The following DDX6 variants were observed in gnomAD, a reference collection of about 807,000 sequenced individuals.
The protein encoded by DDX6 is probable ATP-dependent RNA helicase DDX6.
Under a neutral mutation model 60.6 loss-of-function variants are expected in DDX6, and 7 were observed. The ratio of observed to expected loss-of-function variants is 0.12; its 90% CI spans 0.07 to 0.22. DDX6 has a LOEUF of 0.22. Among genes scored for constraint, DDX6 ranks in the 10% least tolerant of loss-of-function variants. DDX6 has a pLI of 1.00. For missense variants in DDX6, 270 were observed against 589.9 expected, an observed-to-expected ratio of 0.46 and a Z score of 5.62; for synonymous variants, 207 against 201.0, an observed-to-expected ratio of 1.03 and a Z score of -0.25.
Position 118,751,251 on chromosome 11 carries a change from G to C in DDX6, c.*854C>G, listed in dbSNP as rs1165792119. On this transcript the variant is annotated 3_prime_UTR_variant, in exon 14 of 14. Transcript: ENST00000534980. The stretch of plus-strand genomic sequence containing the variant: ...ATATGTAACCCAGTCTTTAGTGTCT[G>C]CTATAGAGCACAAAGGCTTGTCATA... The C allele has an allele frequency of 6.6e-6, 1 of 152,120 alleles. No homozygotes were observed. Among genetic ancestry groups the C allele is most frequent in the Non-Finnish European group, 1.5e-5 (1 of 68,012 alleles). 9.4% of individuals were successfully genotyped at this position (152,120 alleles called of 1,614,324 possible).
At chr11:118,777,180 T>C (rs567906364) in intron 4 of DDX6, among the ~76,000 whole-genome samples, 2 of 152,222 alleles carry the variant, frequency 1.3e-5, no homozygotes, top group East Asian at 1.9e-4. Context: ...ACAGCAACCA[T>C]ATATCTGTCT....
intron 1 of DDX6, chr11:118,788,303 T>TA (rs11463097): frequency 0.95 from 142,509 of 150,784 alleles, 67,146 homozygotes; most frequent in East Asian, 0.99. Flanking sequence ...TACTCTGACT[T>TA]AAAAACAAAC....
At chr11:118,781,625 C>T (rs1861903480) in intron 2 of DDX6, among the ~76,000 whole-genome samples, 2 of 152,160 alleles carry the variant, frequency 1.3e-5, no homozygotes, top group South Asian at 4.1e-4. Context: ...CGGCTATTCT[C>T]ATTTTTAAAA....
chr11:118,785,000 T>G (rs550941374), intron 2 of DDX6, among the ~76,000 whole-genome samples: 1 of 152,314 alleles, frequency 6.6e-6, no homozygotes, highest in African/African-American at 2.4e-5. Flanking sequence ...ACTCCCGACC[T>G]CAGGTGATCC....
intron 12 of DDX6, 81 bp downstream of exon 12, chr11:118,755,317 CTCTA>C: frequency 1.3e-6 from 1 of 781,292 alleles, no homozygotes; most frequent in Non-Finnish European, 2.2e-6. Flanking sequence ...AGCTACTGTA[CTCTA>C]TTTCACAAAA....
Position 118,759,979 on chromosome 11 carries a change from T to C in DDX6, c.807A>G (p.Lys269=). The change falls in exon 8 of 14, where the codon AAA becomes AAG. Residue 269 remains lysine, a synonymous_variant. Transcript: ENST00000534980. The part of the protein sequence containing the change: ...IMEDIILTLP[K]NRQILLYSAT... ...CGGAATATAGTAAAATCTGCCTGTT[T>C]TTAGGTAGCGTGAGAATAATATCCT... 6.2e-7 allele frequency: 1 copy of C among 1,613,774 alleles called. No individual in the cohort carries two copies. Among genetic ancestry groups the C allele is most frequent in the African/African-American group, 1.3e-5 (1 of 75,046 alleles).
intron 5 of DDX6, among the ~76,000 whole-genome samples, chr11:118,765,933 G>A (rs1861338796): frequency 6.6e-6 from 1 of 151,868 alleles, no homozygotes; most frequent in Non-Finnish European, 1.5e-5. Flanking sequence ...AGCTGGGCGT[G>A]GGTGGCACAT....
rs1555156144 is a variant in DDX6 at position 118,747,869 on chromosome 11, C to T, written c.*4236G>A. The T allele has an allele frequency of 6.9e-6, 1 of 145,572 alleles. No individual in the cohort carries two copies. The highest frequency in any genetic ancestry group is 2.5e-5 in the African/African-American group (1 of 39,332). The allele number at this position is 145,572 out of a possible 1,614,324, so 9.0% of individuals were successfully genotyped here. On this transcript the variant is annotated 3_prime_UTR_variant, in exon 14 of 14. Coordinates refer to ENST00000534980, the MANE Select transcript of DDX6 (RefSeq NM_004397.6). ...GCAGACTCCGGTCCATATATGCGTA[C>T]ATACAACATAACACATCCCAACAAA...
chr11:118,761,408 G>C (rs1555160138), intron 7 of DDX6, among the ~76,000 whole-genome samples: 1 of 152,112 alleles, frequency 6.6e-6, no homozygotes. Flanking sequence ...CTTGAGGTCG[G>C]GAGTTTGAGA....
intron 4 of DDX6, among the ~76,000 whole-genome samples, chr11:118,775,887 T>C (rs529778926): frequency 9.6e-4 from 146 of 152,274 alleles, no homozygotes; most frequent in Admixed American, 1.9e-3. Flanking sequence ...TTCTAGCACA[T>C]TGGGAAGCCA....
At chr11:118,756,621 CAGT>C (rs2137421603) in intron 10 of DDX6, among the ~76,000 whole-genome samples, 1 of 151,982 alleles carries the variant, frequency 6.6e-6, no homozygotes, top group South Asian at 2.1e-4. Context: ...TAAAGGCAAA[CAGT>C]AAAGAAAAAA....
Position 118,785,523 on chromosome 11 carries a change from A to T in DDX6, c.200+529T>A, listed in dbSNP as rs60696182. Among the ~76,000 whole-genome samples the T allele has an allele frequency of 1.7e-4, 26 of 149,974 alleles. 1 individual carries two copies. The highest frequency in any genetic ancestry group is 6.8e-3 in the Middle Eastern group (2 of 292). On this transcript the variant is annotated intron_variant, in intron 2 of 13. Transcript: ENST00000534980. ...AACCAGCCAACTTTTTTTTTTTTTT[A>T]AAGTAAAAAAGCTAAGTTCCATAAG...
rs1862069641 is a variant in DDX6, at chr11:118,786,201, T to C, written c.51A>G (p.Gln17=). The change falls in exon 2 of 14, where the codon CAA becomes CAG. Residue 17 remains glutamine (Q), a synonymous_variant. Coordinates refer to ENST00000534980, the MANE Select transcript of DDX6 (RefSeq NM_004397.6). ...TCACAGGGCCTCTCAGCTGACCATT[T>C]TGACTGGACAGACCCATTATAACAG... The part of the protein sequence containing the change: ...ENPVIMGLSS[Q]NGQLRGPVKP... 6.2e-7 allele frequency: 1 copy of C among 1,613,832 alleles called. No homozygotes were observed. Among genetic ancestry groups the C allele is most frequent in the East Asian group, 2.2e-5 (1 of 44,902 alleles).
chr11:118,764,111 A>C (rs547164999), intron 6 of DDX6, among the ~76,000 whole-genome samples: 3 of 152,272 alleles, frequency 2.0e-5, no homozygotes, highest in Admixed American at 1.3e-4. Context: ...CAATGCCTCT[A>C]ATCTAGAGCA....
chr11:118,752,614 AAAAG>A (rs782690291), intron 13 of DDX6, among the ~76,000 whole-genome samples: 8 of 152,174 alleles, frequency 5.3e-5, no homozygotes, highest in Non-Finnish European at 7.3e-5. Context: ...CTCTATTTAA[AAAAG>A]AAAGAGAAAA....
intron 7 of DDX6, among the ~76,000 whole-genome samples, chr11:118,760,775 C>T (rs1358841085): frequency 6.9e-6 from 1 of 143,938 alleles, no homozygotes; most frequent in African/African-American, 2.6e-5. Context: ...GAGCCAAGAT[C>T]ACACCACTGC....
At chr11:118,758,642 G>A in intron 9 of DDX6, 132 bp downstream of exon 9, 4 of 1,053,798 alleles carry the variant, frequency 3.8e-6, no homozygotes, top group Non-Finnish European at 5.3e-6. Context: ...AGTGCTGGGA[G>A]GCATGAGCCA....
intron 4 of DDX6, among the ~76,000 whole-genome samples, chr11:118,770,519 C>G (rs1861501551): frequency 6.6e-6 from 1 of 152,166 alleles, no homozygotes; most frequent in Admixed American, 6.6e-5. Flanking sequence ...AACACTCTTT[C>G]TACCTAGAGC....
In DDX6 at chr11:118,750,349, A is replaced by G. The variant is rs1860715744; in HGVS notation, c.*1756T>C. On this transcript the variant is annotated 3_prime_UTR_variant, in exon 14 of 14. Coordinates refer to ENST00000534980, the MANE Select transcript of DDX6 (RefSeq NM_004397.6). ...ACATCAAGCATGTTGGGAGGGGCAC[A>G]ATTTAAAGCAACACTATTGACTGTA... The G allele has an allele frequency of 6.6e-6, 1 of 152,192 alleles. No individual in the cohort carries two copies. Among genetic ancestry groups the G allele is most frequent in the Non-Finnish European group, 1.5e-5 (1 of 68,030 alleles). 9.4% of individuals were successfully genotyped at this position (152,192 alleles called of 1,614,324 possible).
Sources: allele counts gnomAD v4.1 joint callset (sites outside exome capture counted in the v4.1 genomes callset), GRCh38; gene constraint gnomAD v4.1.1; transcripts MANE v1.5; gene names NCBI Gene and HGNC (gene_info 2026-07-23, HGNC 2026-07-21).